PDE1C: variants seen among roughly 807,000 people sequenced by gnomAD.
PDE1C encodes dual specificity calcium/calmodulin-dependent 3',5'-cyclic nucleotide phosphodiesterase 1C.
A neutral mutation model predicts 93.1 loss-of-function variants in PDE1C; 62 were observed. The ratio of observed to expected loss-of-function variants is 0.67; its 90% CI spans 0.54 to 0.82. The LOEUF is 0.82. Among genes scored for constraint, PDE1C ranks in the 40% least tolerant of loss-of-function variants. The pLI is 0.00. For missense variants in PDE1C, 742 were observed against 884.6 expected (o/e 0.84, Z 2.04); for synonymous variants, 325 against 310.1 (o/e 1.05, Z -0.50).
At chr7:31,753,680 G>A (rs1794257388) in intron 17 of PDE1C, 127 bp from the exon 18 acceptor site, 4 of 1,340,494 alleles carry the variant, frequency 3.0e-6, no homozygotes, top group African/African-American at 1.5e-5. Flanking sequence ...AAGCAGTTTG[G>A]ATTCTCCCTG....
At chr7:31,728,612 T>C in the PDE1C span, among the ~76,000 whole-genome samples, 1 of 152,146 alleles carries the variant, frequency 6.6e-6, no homozygotes, top group Non-Finnish European at 1.5e-5. Flanking sequence ...GTTTTCCGAG[T>C]ACTGAGGATA....
At chr7:31,827,659 A>G (rs1249783095) in intron 12 of PDE1C, among the ~76,000 whole-genome samples, 2 of 152,136 alleles carry the variant, frequency 1.3e-5, no homozygotes, top group Admixed American at 1.3e-4. Flanking sequence ...ATTTTCTTAA[A>G]TGACTTCAGA....
At chr7:32,164,593 T>C (rs1257752294) in intron 3 of PDE1C, among the ~76,000 whole-genome samples, 1 of 152,202 alleles carries the variant, frequency 6.6e-6, no homozygotes, top group East Asian at 1.9e-4. Context: ...TGAGCCTCAG[T>C]TTCCTGACCT....
intron 1 of PDE1C, among the ~76,000 whole-genome samples, chr7:32,411,118 T>C (rs1785160943): frequency 6.6e-6 from 1 of 152,198 alleles, no homozygotes; most frequent in Non-Finnish European, 1.5e-5. Flanking sequence ...ATAAATACTG[T>C]TGAGACAAAT....
the PDE1C span, among the ~76,000 whole-genome samples, chr7:31,663,755 C>T: frequency 0.023 from 3,457 of 152,240 alleles, 134 homozygotes; most frequent in African/African-American, 0.078. Flanking sequence ...ATAGTGAAAA[C>T]TGCTGACACT....
intron 1 of PDE1C, among the ~76,000 whole-genome samples, chr7:32,221,653 AAG>A (rs1806876290): frequency 6.6e-6 from 1 of 152,242 alleles, no homozygotes; most frequent in Non-Finnish European, 1.5e-5. Flanking sequence ...TACATGTTCT[AAG>A]AGCTCATTGG....
chr7:31,837,308 C>G lies in PDE1C; in HGVS notation c.1083-8G>C, dbSNP rs775891880. On this transcript the variant is annotated splice_region_variant and splice_polypyrimidine_tract_variant and intron_variant, in intron 10 of 17. Transcript: ENST00000396191. ...GCTTTTGGCTTTTCAATGCTGTAAACCAAAAGCACCCAAACACATGATAAC... is the reference window on the plus strand; with the variant it reads ...GCTTTTGGCTTTTCAATGCTGTAAAGCAAAAGCACCCAAACACATGATAAC... The G allele has an allele frequency of 3.7e-6, 6 of 1,600,552 alleles. No homozygotes were observed. The highest frequency in any genetic ancestry group is 2.3e-5 in the East Asian group (1 of 44,408).
At chr7:31,992,014 G>C (rs568258544) in intron 2 of PDE1C, among the ~76,000 whole-genome samples, 1 of 151,928 alleles carries the variant, frequency 6.6e-6, no homozygotes, top group Non-Finnish European at 1.5e-5. Context: ...ATCTGGAAAA[G>C]GGAGAGGGAG....
chr7:31,926,021 G>A (rs755002275), intron 2 of PDE1C, among the ~76,000 whole-genome samples: 3 of 150,938 alleles, frequency 2.0e-5, no homozygotes, highest in Admixed American at 6.6e-5. Context: ...AGTCTATGCT[G>A]TAGGACACAG....
At chr7:31,616,784 C>A in the PDE1C span, among the ~76,000 whole-genome samples, 2 of 145,524 alleles carry the variant, frequency 1.4e-5, no homozygotes, top group African/African-American at 5.3e-5. Context: ...AAAAAGGTTT[C>A]TAAATTTCAT....
chr7:31,722,029 A>G, the PDE1C span, among the ~76,000 whole-genome samples: 2 of 152,332 alleles, frequency 1.3e-5, no homozygotes, highest in South Asian at 4.1e-4. Flanking sequence ...TATTTGCACC[A>G]GAACCCCTCA....
rs114776328 is a variant in PDE1C at position 31,865,091 on chromosome 7, G to C, written c.610-9C>G. ...AGTGCAGAAATGGGGATCTGAAAGA[G>C]AGCAGTAAGGTTAATTAACTAGTGA... is the stretch of plus-strand genomic sequence containing the variant. On this transcript the variant is annotated splice_polypyrimidine_tract_variant and intron_variant, in intron 6 of 17. Transcript: ENST00000396191. 3.1e-4 allele frequency: 495 copies of C among 1,613,988 alleles called. No homozygotes were observed. The African/African-American group carries it at 5.8e-3, about 19-fold the overall frequency.
intron 3 of PDE1C, among the ~76,000 whole-genome samples, chr7:32,088,023 AAAAT>A (rs919389570): frequency 7.7e-5 from 11 of 142,378 alleles, no homozygotes; most frequent in African/African-American, 2.0e-4. Context: ...AAAAAAATAA[AAAAT>A]AAAAAAAAGA....
intron 1 of PDE1C, among the ~76,000 whole-genome samples, chr7:32,304,871 CA>C (rs1812961001): frequency 6.6e-6 from 1 of 152,076 alleles, no homozygotes; most frequent in Non-Finnish European, 1.5e-5. Flanking sequence ...TATAACATGA[CA>C]ATGTTATTAT....
chr7:31,831,721 G>A (rs3779245), intron 11 of PDE1C, among the ~76,000 whole-genome samples: 8,511 of 151,864 alleles, frequency 0.056, 647 homozygotes, highest in African/African-American at 0.17. Flanking sequence ...AGGGGCAGAC[G>A]GAAGAGTAGA....
chr7:31,943,837 C>T (rs1219864052), intron 2 of PDE1C, among the ~76,000 whole-genome samples: 4 of 152,142 alleles, frequency 2.6e-5, no homozygotes, highest in Non-Finnish European at 4.4e-5. Flanking sequence ...AATGAAAAAA[C>T]GGCCAGTTCA....
chr7:32,213,894 C>T (rs911284283), intron 1 of PDE1C, among the ~76,000 whole-genome samples: 1 of 152,090 alleles, frequency 6.6e-6, no homozygotes. Context: ...GTGTGGTCAC[C>T]AGATATATTA....
chr7:31,687,375 G>A, the PDE1C span: 2 of 152,306 alleles, frequency 1.3e-5, no homozygotes, highest in East Asian at 3.9e-4. Flanking sequence ...TCAGTTACTG[G>A]GACAAAGAAG....
At chr7:32,212,019 C>A (rs1806071672) in intron 1 of PDE1C, among the ~76,000 whole-genome samples, 1 of 112,370 alleles carries the variant, frequency 8.9e-6, no homozygotes. Flanking sequence ...GAACGAGAAC[C>A]TATCTCAAAA....
Sources: gnomAD v4.1 joint callset for allele counts (sites outside exome capture counted in the v4.1 genomes callset) on GRCh38, gnomAD v4.1.1 for gene constraint, MANE v1.5 for transcripts, NCBI Gene and HGNC (gene_info 2026-07-23, HGNC 2026-07-21) for gene names.